Variants in YTHDC2 observed in about 807,000 individuals in gnomAD.
The protein encoded by YTHDC2 is YTH N6-methyladenosine RNA binding protein C2, also known as 3'-5' RNA helicase YTHDC2.
YTHDC2 carries 45 observed loss-of-function variants against 174.9 expected under a neutral mutation model. The ratio of observed to expected loss-of-function variants is 0.26; its 90% CI spans 0.20 to 0.33. YTHDC2 has a LOEUF of 0.33. Ranked by LOEUF, YTHDC2 falls within the 10% of genes least tolerant of loss-of-function variation. The pLI, the probability that YTHDC2 is intolerant of heterozygous loss-of-function variation, is 1.00. For synonymous variants in YTHDC2, 657 were observed against 574.5 expected (o/e 1.14, Z -2.05); for missense variants, 1,650 against 1,723.7 (o/e 0.96, Z 0.76).
Position 113,513,991 on chromosome 5 carries a change from G to A in YTHDC2, c.96G>A (p.Arg32=), listed in dbSNP as rs756855950. ...CTTGTGGCCCTGGGGGCGGCGGCCG[G>A]GCCAAGGGGCTGAAGGACATTCGCA... ...PSPCGPGGGG[R]AKGLKDIRID... The change falls in exon 1 of 30, where the codon CGG becomes CGA. Residue 32 remains arginine (R), a synonymous_variant. Coordinates refer to ENST00000161863, the MANE Select transcript of YTHDC2 (RefSeq NM_022828.5). The A allele has an allele frequency of 2.5e-6, 4 of 1,605,954 alleles. No homozygotes were observed. The highest frequency in any genetic ancestry group is 1.1e-5 in the South Asian group (1 of 89,922).
chr5:113,515,409 C>T, intron 2 of YTHDC2, 47 bp downstream of exon 2: 1 of 1,489,556 alleles, frequency 6.7e-7, no homozygotes, highest in African/African-American at 1.4e-5. Flanking sequence ...ATTATTTGCC[C>T]AAAAAAGGGA....
At chr5:113,588,561 C>T (rs959153298) in intron 26 of YTHDC2, among the ~76,000 whole-genome samples, 1 of 151,766 alleles carries the variant, frequency 6.6e-6, no homozygotes, top group African/African-American at 2.4e-5. Flanking sequence ...GGTATTATTT[C>T]TTCCTTGAAT....
chr5:113,547,327 G>T (rs1775945739), intron 10 of YTHDC2, among the ~76,000 whole-genome samples: 1 of 152,160 alleles, frequency 6.6e-6, no homozygotes, highest in South Asian at 2.1e-4. Context: ...CTGAATCTCT[G>T]AGTAAGGTAT....
rs746417841 is a variant in YTHDC2, at chr5:113,542,481, C to T, written c.1473C>T (p.Leu491=). 22 of 1,602,758 alleles carry T rather than the reference C, an allele frequency of 1.4e-5. No individual in the cohort carries two copies. Among genetic ancestry groups the T allele is most frequent in the Non-Finnish European group, 1.6e-5 (19 of 1,176,720 alleles). The change falls in exon 10 of 30, where the codon CTC becomes CTT. Residue 491 remains leucine (L), a synonymous_variant. Coordinates refer to ENST00000161863, the MANE Select transcript of YTHDC2 (RefSeq NM_022828.5). The part of the protein sequence containing the change: ...DIDAFAQVFH[L]ILTENVSVDY... ...ATGCCTTTGCTCAGGTCTTTCATCT[C>T]ATTTTAACTGAAAATGTTAGTGGTA...
intron 9 of YTHDC2, 110 bp from the exon 10 acceptor site, chr5:113,542,258 A>C: frequency 8.9e-7 from 1 of 1,124,132 alleles, no homozygotes; most frequent in African/African-American, 1.6e-5. Context: ...AGCATTTGCT[A>C]TATTATCATA....
At chr5:113,534,524 G>A in intron 6 of YTHDC2, 117 bp downstream of exon 6, 1 of 767,694 alleles carries the variant, frequency 1.3e-6, no homozygotes, top group Non-Finnish European at 2.1e-6. Context: ...TTGGAATAGG[G>A]TAGAAAAGAG....
rs571278732 is a variant in YTHDC2 at position 113,567,770 on chromosome 5, G to T, written c.3165G>T (p.Val1055=). The change falls in exon 23 of 30, where the codon GTG becomes GTT. Residue 1055 remains valine, a synonymous_variant. Coordinates refer to ENST00000161863, the MANE Select transcript of YTHDC2 (RefSeq NM_022828.5). ...RIANIRCCSA[V]TPVTILVFCG... Reference sequence around the variant, plus strand: ...CTAATATTAGATGTTGTTCAGCAGTGACGCCTGTCACTATATTGGTATTCT... The same window carrying T: ...CTAATATTAGATGTTGTTCAGCAGTTACGCCTGTCACTATATTGGTATTCT... The T allele has an allele frequency of 3.1e-6, 5 of 1,609,370 alleles. No homozygotes were observed. The South Asian group carries it at 4.4e-5, about 14-fold the overall frequency.
At chr5:113,557,773 C>T (rs367736925) in intron 17 of YTHDC2, among the ~76,000 whole-genome samples, 10 of 152,064 alleles carry the variant, frequency 6.6e-5, no homozygotes, top group African/African-American at 1.4e-4. Context: ...CTACTCCAGC[C>T]GGAGCGACAG....
rs573244149 is a variant in YTHDC2, at chr5:113,541,964, A to G, written c.1360-404A>G. Among the ~76,000 whole-genome samples the G allele has an allele frequency of 3.3e-5, 5 of 152,248 alleles. No homozygotes were observed. In the South Asian group the frequency reaches 8.3e-4, roughly 25 times the overall value. On this transcript the variant is annotated intron_variant, in intron 9 of 29. Coordinates refer to ENST00000161863, the MANE Select transcript of YTHDC2 (RefSeq NM_022828.5). ...GAGCTTTTAAAGCCCTATGGAATCTAGCACCCTACCAACAAGAGATTCTGA... is the reference window on the plus strand; with the variant it reads ...GAGCTTTTAAAGCCCTATGGAATCTGGCACCCTACCAACAAGAGATTCTGA...
chr5:113,553,146 ATTGACT>A (rs746507866), intron 12 of YTHDC2, 29 bp from the exon 13 acceptor site: 36 of 1,449,926 alleles, frequency 2.5e-5, no homozygotes, highest in South Asian at 2.9e-5. Context: ...GTTAATGGAA[ATTGACT>A]TTGTCTTTTT....
Position 113,557,445 on chromosome 5 carries a change from T to C in YTHDC2, c.2216+1311T>C, listed in dbSNP as rs574295490. On this transcript the variant is annotated intron_variant, in intron 17 of 29. Transcript: ENST00000161863. ...TGTTGTTATGTCAGTTGTTTTCTTA[T>C]GACCAATAGTGGCTTGATACATTAA... 2.5e-4 allele frequency among the ~76,000 whole-genome samples: 38 copies of C among 152,342 alleles called. No individual in the cohort carries two copies. In the South Asian group the frequency reaches 5.0e-3, roughly 20 times the overall value.
At chr5:113,574,818 T>C (rs1198992779) in intron 23 of YTHDC2, among the ~76,000 whole-genome samples, 1 of 152,186 alleles carries the variant, frequency 6.6e-6, no homozygotes, top group Non-Finnish European at 1.5e-5. Flanking sequence ...CCTACGTTTC[T>C]GTGTGTGCCT....
intron 18 of YTHDC2, among the ~76,000 whole-genome samples, chr5:113,561,999 T>TGTGTGTGTGTGTGTGTGTGTGTGTG (rs1561676110): frequency 2.0e-5 from 3 of 147,828 alleles, no homozygotes; most frequent in African/African-American, 5.0e-5. Context: ...TGTGTGTGTG[T>TGTGTGTGTGTGTGTGTGTGTGTGTG]TTTAAGTTTT....
intron 24 of YTHDC2, among the ~76,000 whole-genome samples, chr5:113,580,296 G>T (rs1778317809): frequency 1.3e-5 from 2 of 152,052 alleles, no homozygotes; most frequent in East Asian, 3.9e-4. Context: ...AGTATTTCTG[G>T]ATATATAAGA....
chr5:113,546,437 T>C (rs1473746262), intron 10 of YTHDC2, among the ~76,000 whole-genome samples: 3 of 152,220 alleles, frequency 2.0e-5, no homozygotes, highest in African/African-American at 7.2e-5. Flanking sequence ...CATTCACTTC[T>C]CATCTTTTTG....
chr5:113,590,910 A>C, intron 26 of YTHDC2, 131 bp from the exon 27 acceptor site: 1 of 736,776 alleles, frequency 1.4e-6, no homozygotes, highest in Non-Finnish European at 2.2e-6. Flanking sequence ...CAGACATGAT[A>C]GAGCTATTTG....
chr5:113,590,148 T>A (rs953269654), intron 26 of YTHDC2, among the ~76,000 whole-genome samples: 6 of 152,230 alleles, frequency 3.9e-5, no homozygotes, highest in Non-Finnish European at 7.3e-5. Context: ...GTATATTCTT[T>A]GTGTTTCTTA....
chr5:113,521,641 G>A (rs1354549368), intron 2 of YTHDC2, among the ~76,000 whole-genome samples: 1 of 151,232 alleles, frequency 6.6e-6, no homozygotes, highest in African/African-American at 2.4e-5. Flanking sequence ...TGAGACAGGA[G>A]AACTGCTTGA....
Position 113,561,469 on chromosome 5 carries a change from C to CTATCTA in YTHDC2, c.2322+287_2322+288insCTATAT, listed in dbSNP as rs200238648. 2.3e-3 allele frequency among the ~76,000 whole-genome samples: 286 copies of CTATCTA among 125,684 alleles called. 2 individuals carry two copies. The highest frequency in any genetic ancestry group is 0.01 in the African/African-American group (271 of 26,304). 82.5% of individuals were successfully genotyped at this position (125,684 alleles called of 152,430 possible). Reference sequence around the variant, plus strand: ...TCTATCTATCTATCTATCTATCTATCTATATTTTTTTTTTTTTGAGTCAGA... The same window carrying CTATCTA: ...TCTATCTATCTATCTATCTATCTATCTATCTATATATTTTTTTTTTTTTGAGTCAGA... On this transcript the variant is annotated intron_variant, in intron 18 of 29. Transcript: ENST00000161863.
Sources: gnomAD v4.1 joint callset for allele counts (sites outside exome capture counted in the v4.1 genomes callset) on GRCh38, gnomAD v4.1.1 for gene constraint, MANE v1.5 for transcripts, NCBI Gene and HGNC (gene_info 2026-07-23, HGNC 2026-07-21) for gene names.